MROH1: variants seen among roughly 807,000 people sequenced by gnomAD.
MROH1 encodes maestro heat-like repeat-containing protein family member 1.
A neutral mutation model predicts 116.5 loss-of-function variants in MROH1; 117 were observed. The ratio of observed to expected loss-of-function variants is 1.00; its 90% CI spans 0.86 to 1.17. The LOEUF (loss-of-function observed/expected upper bound fraction) is 1.17. Among genes scored for constraint, MROH1 ranks in the 50% most tolerant of loss-of-function variants. MROH1 has a pLI of 0.00. For missense variants in MROH1, 1,873 were observed against 1,338.5 expected (o/e 1.40, Z -6.23); for synonymous variants, 921 against 583.9 (o/e 1.58, Z -8.32).
intron 1 of MROH1, among the ~76,000 whole-genome samples, chr8:144,156,864 A>G (rs1217569734): frequency 3.4e-5 from 5 of 146,022 alleles, no homozygotes; most frequent in African/African-American, 1.3e-4. Flanking sequence ...CTCATTGCAA[A>G]CTCTGCTTCC....
Position 144,180,021 on chromosome 8 carries a change from C to T in MROH1, c.301-157C>T, listed in dbSNP as rs2131324533. On this transcript the variant is annotated intron_variant, in intron 5 of 43. Transcript: ENST00000326134. This position sits in a 1 kb window ranked among gnomAD's most constrained non-coding sequence, Gnocchi z 7.4. ...GCTCCTGCGTGTGGGGTCTCCTCAG[C>T]AGCCCCTCAGCAGAGGAGGCTGTGC... Among the ~76,000 whole-genome samples, 1 of 146,552 alleles carries T rather than the reference C, an allele frequency of 6.8e-6. No individual in the cohort carries two copies. The highest frequency in any genetic ancestry group is 2.5e-5 in the African/African-American group (1 of 40,548).
chr8:144,246,269 C>T (rs1420991982), intron 29 of MROH1, among the ~76,000 whole-genome samples: 3 of 151,566 alleles, frequency 2.0e-5, no homozygotes, highest in Non-Finnish European at 4.4e-5. Flanking sequence ...CCACCACTGC[C>T]GGCTAATTTT....
Position 144,163,907 on chromosome 8 carries a change from C to A in MROH1, c.22+59C>A. The A allele has an allele frequency of 1.3e-6, 2 of 1,585,536 alleles. No individual in the cohort carries two copies. The highest frequency in any genetic ancestry group is 2.2e-5 in the South Asian group (2 of 90,036). On this transcript the variant is annotated intron_variant, in intron 3 of 43. Transcript: ENST00000326134. The surrounding 1 kb of genome is among the most constrained non-coding windows in gnomAD (Gnocchi z 4.4). ...GAGGCCTCTCTTGCCTCTGGGTGGT[C>A]AGGGCAGGCCAAGGCTCTTACCAGC... is the stretch of plus-strand genomic sequence containing the variant.
rs202038176 is a variant in MROH1 at position 144,190,774 on chromosome 8, G to A, written c.563-10G>A. ...GGCCTGCAGCCACTTACCACTGGCC[G>A]GTTTTGTAGCTCTGCAGCGCTTCAG... On this transcript the variant is annotated splice_polypyrimidine_tract_variant and intron_variant, in intron 7 of 43. Transcript: ENST00000326134. 2.0e-5 allele frequency: 32 copies of A among 1,611,234 alleles called. 1 individual carries two copies. The East Asian group carries it at 3.1e-4, about 16-fold the overall frequency.
chr8:144,228,492 T>C (rs1374722782), intron 14 of MROH1, among the ~76,000 whole-genome samples: 1 of 151,934 alleles, frequency 6.6e-6, no homozygotes, highest in Non-Finnish European at 1.5e-5. Context: ...AGATGGAGAG[T>C]CTTGCTCTGT....
intron 26 of MROH1, 38 bp downstream of exon 26, chr8:144,243,980 CGTGTGTGCGTGCATGTGTGTGCATT>C: frequency 1.3e-6 from 1 of 770,456 alleles, no homozygotes; most frequent in Non-Finnish European, 2.4e-6. Context: ...CGTGCAGCTG[CGTGTGTGCGTGCATGTGTGTGCATT>C]GTGTGTGCAC....
intron 7 of MROH1, among the ~76,000 whole-genome samples, chr8:144,181,098 T>G (rs1825511154): frequency 6.6e-6 from 1 of 152,102 alleles, no homozygotes; most frequent in South Asian, 2.1e-4. Context: ...TGAGCTACCC[T>G]TAGTGCCCTC....
Position 144,180,261 on chromosome 8 carries a change from G to A in MROH1, c.384G>A (p.Glu128=). 6.2e-7 allele frequency: 1 copy of A among 1,612,182 alleles called. No individual in the cohort carries two copies. The highest frequency in any genetic ancestry group is 8.5e-7 in the Non-Finnish European group (1 of 1,179,818). Residue 128 remains glutamate, a synonymous_variant, in exon 6 of 44, where the codon GAG becomes GAA. Transcript: ENST00000326134. The surrounding 1 kb of genome is among the most constrained non-coding windows in gnomAD (Gnocchi z 7.4). ...AGTTCATCAGCAAGGTGATGGAGGAGCTGCTGCGCAGGCTGCACCCTGGGA... is the reference window on the plus strand; with the variant it reads ...AGTTCATCAGCAAGGTGATGGAGGAACTGCTGCGCAGGCTGCACCCTGGGA... The part of the protein sequence containing the change: ...GRQFISKVME[E]LLRRLHPGTL...
intron 14 of MROH1, among the ~76,000 whole-genome samples, chr8:144,223,857 G>A (rs987661274): frequency 3.9e-5 from 6 of 152,188 alleles, no homozygotes; most frequent in Non-Finnish European, 8.8e-5. Flanking sequence ...GAACAGACAC[G>A]CCGCCCTCCT....
intron 31 of MROH1, among the ~76,000 whole-genome samples, chr8:144,248,426 C>T (rs1842277654): frequency 6.6e-6 from 1 of 152,198 alleles, no homozygotes; most frequent in African/African-American, 2.4e-5. Context: ...CCTTCCAGGT[C>T]CAGAGACTGT....
In MROH1 at chr8:144,260,752, G is replaced by A. The variant is rs1329024309; in HGVS notation, c.4456G>A (p.Asp1486Asn). The A allele has an allele frequency of 6.4e-6, 5 of 779,238 alleles. No individual in the cohort carries two copies. Among genetic ancestry groups the A allele is most frequent in the Non-Finnish European group, 1.2e-5 (5 of 417,794 alleles). 48.3% of individuals were successfully genotyped at this position (779,238 alleles called of 1,614,324 possible). ...LNKVCHGDCE[D>N]VFLDQVVGGL... ...CAAGGTCTGCCACGGAGACTGTGAG[G>A]ACGTCTTCCTGGACCAGGTGGTGGG... Residue 1486 changes from aspartate to asparagine, a missense_variant, in exon 40 of 44, where the codon GAC becomes AAC. Physicochemically the swap from Asp to Asn is conservative, Grantham distance 23 (BLOSUM62 1). Transcript: ENST00000326134.
intron 3 of MROH1, among the ~76,000 whole-genome samples, chr8:144,167,042 G>A (rs1377667844): frequency 6.6e-6 from 1 of 152,196 alleles, no homozygotes; most frequent in African/African-American, 2.4e-5. Context: ...ACTGAGTCAC[G>A]CACTGATGCC....
At chr8:144,167,365 A>G (rs1395666106) in intron 3 of MROH1, among the ~76,000 whole-genome samples, 92 of 72,736 alleles carry the variant, frequency 1.3e-3, no homozygotes, top group African/African-American at 4.4e-3. Flanking sequence ...TGGAGTGGCC[A>G]GATGTGGGGT....
intron 34 of MROH1, 84 bp from the exon 35 acceptor site, chr8:144,255,425 G>C: frequency 1.4e-6 from 1 of 726,828 alleles, no homozygotes; most frequent in Non-Finnish European, 2.6e-6. Flanking sequence ...TGCAGGCGAA[G>C]GGGGATGCAG....
intron 14 of MROH1, among the ~76,000 whole-genome samples, chr8:144,226,359 C>G (rs190344025): frequency 1.6e-4 from 25 of 152,326 alleles, no homozygotes; most frequent in African/African-American, 6.0e-4. Context: ...GAAAATCAGG[C>G]AACTGTATGG....
At chr8:144,248,308 A>G (rs893266600) in intron 31 of MROH1, among the ~76,000 whole-genome samples, 159 of 150,436 alleles carry the variant, frequency 1.1e-3, no homozygotes, top group Non-Finnish European at 1.5e-3. Context: ...TACGGGGGGG[A>G]AAAAAAGAGT....
Position 144,241,031 on chromosome 8 carries a change from G to C in MROH1, c.1975G>C (p.Ala659Pro). The change falls in exon 21 of 44, where the codon GCT becomes CCT. Residue 659 changes from alanine to proline, a missense_variant. By Grantham distance (27) the Ala-to-Pro change is conservative (BLOSUM62 -1). Coordinates refer to ENST00000326134, the MANE Select transcript of MROH1 (RefSeq NM_032450.3). ...YKCIGTTLGAASSKEVVRKHL... is the reference protein window; with the variant it reads ...YKCIGTTLGAPSSKEVVRKHL... ...ATGCATAGGCACCACCCTGGGTGCT[G>C]CTTCAAGTAAGGAGGTGGTGAGGAA... The C allele has an allele frequency of 2.6e-6, 2 of 774,106 alleles. No homozygotes were observed. The highest frequency in any genetic ancestry group is 4.8e-6 in the Non-Finnish European group (2 of 415,104). The allele number at this position is 774,106 out of a possible 1,614,324, so 48.0% of individuals were successfully genotyped here.
intron 10 of MROH1, among the ~76,000 whole-genome samples, chr8:144,193,494 C>T (rs941153828): frequency 5.3e-5 from 8 of 152,190 alleles, no homozygotes; most frequent in Non-Finnish European, 1.2e-4. Context: ...CAGTCAGAGC[C>T]GTATAAGGAA....
chr8:144,186,540 G>A (rs548578642), intron 7 of MROH1, among the ~76,000 whole-genome samples: 2 of 152,336 alleles, frequency 1.3e-5, no homozygotes, highest in East Asian at 3.9e-4. Context: ...GATGGTTTCA[G>A]GTGCCTTTGC....
Sources: allele counts gnomAD v4.1 joint callset (sites outside exome capture counted in the v4.1 genomes callset), GRCh38; gene constraint gnomAD v4.1.1; non-coding constraint Gnocchi (gnomAD v3.1); transcripts MANE v1.5; gene names NCBI Gene and HGNC (gene_info 2026-07-23, HGNC 2026-07-21).